The following NQO2 variants were observed in gnomAD, a reference collection of about 807,000 sequenced individuals.
NQO2 encodes the protein ribosyldihydronicotinamide dehydrogenase [quinone].
In NQO2, 18 loss-of-function variants were observed where a neutral mutation model predicts 22.0. That is an observed-to-expected ratio of 0.82 (90% CI 0.56 to 1.21). The LOEUF (loss-of-function observed/expected upper bound fraction) is 1.21. NQO2 is among the 50% of genes most tolerant of loss of function. NQO2 has a pLI of 0.00. For missense variants in NQO2, 267 were observed against 286.9 expected (o/e 0.93, Z 0.50); for synonymous variants, 106 against 110.8 (o/e 0.96, Z 0.28).
chr6:3,013,492 A>C (rs1757219183), intron 4 of NQO2, among the ~76,000 whole-genome samples: 1 of 152,102 alleles, frequency 6.6e-6, no homozygotes, highest in Non-Finnish European at 1.5e-5. Context: ...AATGTTTATC[A>C]GGGTAAATCA....
chr6:3,019,291 C>A (rs1032326642), intron 6 of NQO2, 188 bp from the exon 7 acceptor site: 3 of 926,678 alleles, frequency 3.2e-6, no homozygotes, highest in Non-Finnish European at 3.9e-6. Flanking sequence ...AAGTTCTTCA[C>A]GGCTCTTATG....
In NQO2 at chr6:3,018,626, G is replaced by A. The variant is rs373176501; in HGVS notation, c.520-853G>A. 5.0e-4 allele frequency among the ~76,000 whole-genome samples: 76 copies of A among 152,316 alleles called. 1 individual carries two copies. The highest frequency in any genetic ancestry group is 1.7e-3 in the African/African-American group (71 of 41,572). On this transcript the variant is annotated intron_variant, in intron 6 of 6. Coordinates refer to ENST00000380455, the MANE Select transcript of NQO2 (RefSeq NM_000904.6). ...AGGGCAGGCCTGGATGAGGGTGTGG[G>A]TTTTAAAGGAAGTAATGCAGAGGAT...
intron 1 of NQO2, chr6:3,002,190 A>G: frequency 2.0e-6 from 2 of 985,380 alleles, no homozygotes; most frequent in Non-Finnish European, 2.4e-6. Context: ...GTGAAAATGA[A>G]GCATTTCATA....
intron 4 of NQO2, among the ~76,000 whole-genome samples, chr6:3,014,767 G>T: frequency 6.6e-6 from 1 of 152,210 alleles, no homozygotes; most frequent in South Asian, 2.1e-4. Context: ...TTTGGGCACT[G>T]TGGTGTGTCT....
At chr6:3,008,412 CAAAAAAA>C (rs543349139) in intron 2 of NQO2, among the ~76,000 whole-genome samples, 12 of 83,578 alleles carry the variant, frequency 1.4e-4, no homozygotes, top group South Asian at 8.5e-4. Context: ...AACTCTGTTT[CAAAAAAA>C]AAAAAAAAGA....
At chr6:3,007,796 G>C (rs1348488246) in intron 2 of NQO2, among the ~76,000 whole-genome samples, 1 of 152,224 alleles carries the variant, frequency 6.6e-6, no homozygotes, top group African/African-American at 2.4e-5. Flanking sequence ...CAGCGGGTCT[G>C]ATTCCTCATG....
chr6:3,007,327 G>A (rs1476397212), intron 2 of NQO2, among the ~76,000 whole-genome samples: 1 of 152,204 alleles, frequency 6.6e-6, no homozygotes, highest in Non-Finnish European at 1.5e-5. Context: ...AACCATTGGT[G>A]TAGGTATTTC....
intron 6 of NQO2, among the ~76,000 whole-genome samples, chr6:3,018,973 G>T (rs559413655): frequency 1.1e-4 from 16 of 150,124 alleles, no homozygotes; most frequent in Non-Finnish European, 2.2e-4. Flanking sequence ...TTTTCTTAGG[G>T]CCTATATATT....
At chr6:3,005,952 G>A (rs28383612) in intron 1 of NQO2, 4,369 of 288,578 alleles carry the variant, frequency 0.015, 215 homozygotes, top group African/African-American at 0.094. Context: ...TCTGGCCTCC[G>A]CTGCATCCCT....
chr6:3,004,234 A>G lies in NQO2; in HGVS notation c.-85-2234A>G, dbSNP rs550307190. 9.2e-6 allele frequency: 6 copies of G among 649,946 alleles called. No homozygotes were observed. In the South Asian group the frequency reaches 2.7e-4, roughly 30 times the overall value. 40.3% of individuals were successfully genotyped at this position (649,946 alleles called of 1,614,324 possible). Reference sequence around the variant, plus strand: ...TAGGAAATGTAGTGCTTACCTGTACACGTGGATTCCTGGAATCAATTCAGG... The same window carrying G: ...TAGGAAATGTAGTGCTTACCTGTACGCGTGGATTCCTGGAATCAATTCAGG... On this transcript the variant is annotated intron_variant, in intron 1 of 6. Transcript: ENST00000380455.
At chr6:3,003,837 G>C (rs1756830174) in intron 1 of NQO2, 9 of 840,100 alleles carry the variant, frequency 1.1e-5, no homozygotes, top group Non-Finnish European at 1.1e-5. Flanking sequence ...GACAGACAGT[G>C]CATGGCCCTC....
In NQO2 at chr6:3,006,480, G is replaced by C. The variant is rs1345582928; in HGVS notation, c.-73G>C. 1 of 1,610,672 alleles carries C rather than the reference G, an allele frequency of 6.2e-7. No homozygotes were observed. On this transcript the variant is annotated 5_prime_UTR_variant, in exon 2 of 7. Coordinates refer to ENST00000380455, the MANE Select transcript of NQO2 (RefSeq NM_000904.6). The surrounding 1 kb of genome is among the most constrained non-coding windows in gnomAD (Gnocchi z 4.0). Reference sequence around the variant, plus strand: ...TTTTGTCTTCCAGATTGCTGGACTCGCTGAAGAGAGACTACGCAGGAAAGC... The same window carrying C: ...TTTTGTCTTCCAGATTGCTGGACTCCCTGAAGAGAGACTACGCAGGAAAGC...
At chr6:3,017,085 C>T in intron 6 of NQO2, 100 bp downstream of exon 6, 1 of 1,356,720 alleles carries the variant, frequency 7.4e-7, no homozygotes, top group East Asian at 2.5e-5. Context: ...CACATACATG[C>T]CCTCAGCTCC....
intron 2 of NQO2, among the ~76,000 whole-genome samples, chr6:3,007,105 G>A (rs1192179043): frequency 7.7e-6 from 1 of 129,582 alleles, no homozygotes; most frequent in Admixed American, 7.7e-5. Context: ...GTGTAGATTC[G>A]GATTTTCGCC....
chr6:3,018,510 C>T (rs890839228), intron 6 of NQO2, among the ~76,000 whole-genome samples: 1 of 152,132 alleles, frequency 6.6e-6, no homozygotes, highest in Non-Finnish European at 1.5e-5. Flanking sequence ...ACCTCAAAAA[C>T]AAGCAAACAA....
rs746255271 is a variant in NQO2 at position 3,010,185 on chromosome 6, C to T, written c.168C>T (p.Ile56=). 6 of 1,608,080 alleles carry T rather than the reference C, an allele frequency of 3.7e-6. No homozygotes were observed. The East Asian group carries it at 8.9e-5, about 24-fold the overall frequency. The change falls in exon 3 of 7, where the codon ATC becomes ATT. Residue 56 remains isoleucine, a synonymous_variant. Transcript: ENST00000380455. Reference sequence around the variant, plus strand: ...AGCCGAGGGCCACAGACAAAGATATCACTGGTGAGTCATGGGATAAATGCT... The same window carrying T: ...AGCCGAGGGCCACAGACAAAGATATTACTGGTGAGTCATGGGATAAATGCT... ...NLEPRATDKD[I]TGTLSNPEVF... is the part of the protein sequence containing the mutation.
chr6:3,010,162 C>T lies in NQO2; in HGVS notation c.145C>T (p.Pro49Ser). ...VSDLYAMNLE[P>S]RATDKDITGT... ...TGATTTGTATGCCATGAACCTTGAG[C>T]CGAGGGCCACAGACAAAGATATCAC... Residue 49 changes from proline (P) to serine (S), a missense_variant, in exon 3 of 7, where the codon CCG (proline) becomes TCG (serine). By Grantham distance (74) the Pro-to-Ser change is moderately conservative (BLOSUM62 -1). Coordinates refer to ENST00000380455, the MANE Select transcript of NQO2 (RefSeq NM_000904.6). 4 of 1,612,142 alleles carry T rather than the reference C, an allele frequency of 2.5e-6. No individual in the cohort carries two copies. Among genetic ancestry groups the T allele is most frequent in the Non-Finnish European group, 3.4e-6 (4 of 1,179,028 alleles).
At chr6:3,009,919 T>G in intron 2 of NQO2, 106 bp from the exon 3 acceptor site, 2 of 1,465,540 alleles carry the variant, frequency 1.4e-6, no homozygotes, top group Non-Finnish European at 1.8e-6. Context: ...TTTCTTAGCT[T>G]CAATTACTAT....
intron 5 of NQO2, among the ~76,000 whole-genome samples, chr6:3,015,887 G>C (rs748438284): frequency 1.3e-5 from 2 of 152,178 alleles, no homozygotes; most frequent in Non-Finnish European, 2.9e-5. Context: ...TGGCAAACAA[G>C]GGAGTGGGTC....
Sources: allele counts gnomAD v4.1 joint callset (sites outside exome capture counted in the v4.1 genomes callset), GRCh38; gene constraint gnomAD v4.1.1; non-coding constraint Gnocchi (gnomAD v3.1); transcripts MANE v1.5; gene names NCBI Gene and HGNC (gene_info 2026-07-23, HGNC 2026-07-21).